Variants in FYTTD1 observed in about 807,000 individuals in gnomAD.
FYTTD1 encodes the protein UAP56-interacting factor.
FYTTD1 carries 22 observed loss-of-function variants against 40.9 expected under a neutral mutation model. The ratio of observed to expected loss-of-function variants is 0.54; its 90% CI spans 0.38 to 0.77. FYTTD1 has a LOEUF of 0.77. Among genes scored for constraint, FYTTD1 ranks in the 30% least tolerant of loss-of-function variants. The pLI is 0.00. For synonymous variants in FYTTD1, 140 were observed against 137.9 expected, an observed-to-expected ratio of 1.01 and a Z score of -0.10; for missense variants, 351 against 392.2, an observed-to-expected ratio of 0.90 and a Z score of 0.89.
Position 197,782,348 on chromosome 3 carries a change from G to C in FYTTD1, c.*439G>C, listed in dbSNP as rs1265944191. 1 of 152,434 alleles carries C rather than the reference G, an allele frequency of 6.6e-6. No homozygotes were observed. Among genetic ancestry groups the C allele is most frequent in the African/African-American group, 2.4e-5 (1 of 41,436 alleles). 9.4% of individuals were successfully genotyped at this position (152,434 alleles called of 1,614,324 possible). A position where few individuals can be genotyped will look rare whatever the true frequency, so the allele number is the denominator to read the frequency against. Reference sequence around the variant, plus strand: ...CTTGCCCTTTAATAGTGTTGATGTAGTCAGTGCCGTTGCCTTTTCTTCATT... The same window carrying C: ...CTTGCCCTTTAATAGTGTTGATGTACTCAGTGCCGTTGCCTTTTCTTCATT... On this transcript the variant is annotated 3_prime_UTR_variant, in exon 9 of 9. Transcript: ENST00000241502.
rs1580477396 is a variant in FYTTD1 at position 197,787,016 on chromosome 3, C to T, written c.*5107C>T. On this transcript the variant is annotated 3_prime_UTR_variant, in exon 9 of 9. Coordinates refer to ENST00000241502, the MANE Select transcript of FYTTD1 (RefSeq NM_032288.7). ...TTTTCACCATGTTGGCCAGGCTGGT[C>T]TCGAACTCCTACCCTCAGGAGATCT... The T allele has an allele frequency of 6.6e-6, 1 of 151,990 alleles. No homozygotes were observed. Among genetic ancestry groups the T allele is most frequent in the East Asian group, 1.9e-4 (1 of 5,170 alleles). 9.4% of individuals were successfully genotyped at this position (151,990 alleles called of 1,614,324 possible).
At position 197,750,580 on chromosome 3, in the gene FYTTD1, C is replaced by T. The variant is rs9883096; in HGVS notation, c.103+506C>T. On this transcript the variant is annotated intron_variant, in intron 1 of 8. Coordinates refer to ENST00000241502, the MANE Select transcript of FYTTD1 (RefSeq NM_032288.7). ...CGCTTCCGGAGCTTTCCCTGGTCGC[C>T]GGGCGTTCCAGGCCGGCGCCGGCCA... The T allele has an allele frequency of 2.3e-3, 2,216 of 982,344 alleles. 21 individuals are homozygous for T. The African/African-American group carries it at 0.036, about 16-fold the overall frequency. The allele number at this position is 982,344 out of a possible 1,614,324, so 60.9% of individuals were successfully genotyped here.
chr3:197,759,777 A>G (rs528433081), intron 2 of FYTTD1, among the ~76,000 whole-genome samples: 1 of 151,344 alleles, frequency 6.6e-6, no homozygotes, highest in East Asian at 2.0e-4. Flanking sequence ...CTTCAGTGGT[A>G]GAATGTATAG....
intron 4 of FYTTD1, among the ~76,000 whole-genome samples, chr3:197,771,542 C>T (rs908302888): frequency 1.1e-4 from 16 of 151,826 alleles, no homozygotes; most frequent in Admixed American, 6.6e-5. Flanking sequence ...TTTGGGAGGC[C>T]GAGGCGGGCG....
rs1730092836 is a variant in FYTTD1, at chr3:197,783,872, A to G, written c.*1963A>G. 1 of 152,642 alleles carries G rather than the reference A, an allele frequency of 6.6e-6. No homozygotes were observed. Among genetic ancestry groups the G allele is most frequent in the African/African-American group, 2.4e-5 (1 of 41,452 alleles). 9.5% of individuals were successfully genotyped at this position (152,642 alleles called of 1,614,324 possible). A position where few individuals can be genotyped will look rare whatever the true frequency, so the allele number is the denominator to read the frequency against. Reference sequence around the variant, plus strand: ...TTTAAAAATTGCCCCAAATACTGACATTGAGTGCATTAAATAACAAATTAT... The same window carrying G: ...TTTAAAAATTGCCCCAAATACTGACGTTGAGTGCATTAAATAACAAATTAT... On this transcript the variant is annotated 3_prime_UTR_variant, in exon 9 of 9. Transcript: ENST00000241502.
intron 8 of FYTTD1, among the ~76,000 whole-genome samples, chr3:197,779,636 T>A (rs1266329362): frequency 6.8e-6 from 1 of 146,320 alleles, no homozygotes; most frequent in Non-Finnish European, 1.5e-5. Context: ...ACTCAAACGA[T>A]CCTTCCTCCC....
intron 1 of FYTTD1, 108 bp downstream of exon 1, chr3:197,750,182 T>G: frequency 1.0e-6 from 1 of 961,842 alleles, no homozygotes; most frequent in Non-Finnish European, 1.5e-6. Flanking sequence ...CCGGCGGAGT[T>G]TTCTCGCTGG....
Position 197,778,335 on chromosome 3 carries a change from T to C in FYTTD1, c.732-3T>C. On this transcript the variant is annotated splice_polypyrimidine_tract_variant and splice_region_variant and intron_variant, in intron 7 of 8. Coordinates refer to ENST00000241502, the MANE Select transcript of FYTTD1 (RefSeq NM_032288.7). ...CTCTGATATTTTAATATTTTTCTAATAGAACTCAGAAACCACGATTAACTC... is the reference window on the plus strand; with the variant it reads ...CTCTGATATTTTAATATTTTTCTAACAGAACTCAGAAACCACGATTAACTC... 1.3e-6 allele frequency: 2 copies of C among 1,587,096 alleles called. No homozygotes were observed. The highest frequency in any genetic ancestry group is 1.7e-6 in the Non-Finnish European group (2 of 1,169,510).
Position 197,778,465 on chromosome 3 carries a change from G to A in FYTTD1, c.858+1G>A. The stretch of plus-strand genomic sequence containing the variant: ...TGACATAAACAGTGTCGGAAAACAG[G>A]TAAAAAAACGTTTTCTGTATTTTCT... On this transcript the variant is annotated splice_donor_variant, in intron 8 of 8. Transcript: ENST00000241502. LOFTEE classifies it high-confidence loss of function. 6.3e-7 allele frequency: 1 copy of A among 1,589,154 alleles called. No individual in the cohort carries two copies. The highest frequency in any genetic ancestry group is 1.4e-5 in the African/African-American group (1 of 74,070).
intron 6 of FYTTD1, among the ~76,000 whole-genome samples, chr3:197,776,380 A>AT (rs199559563): frequency 0.016 from 1,865 of 117,416 alleles, 78 homozygotes; most frequent in Non-Finnish European, 0.018. Context: ...CCCAGCTTAA[A>AT]TTTGTTTTTT....
At chr3:197,773,523 T>TTTG (rs1553909683) in intron 5 of FYTTD1, 24 bp downstream of exon 5, 8 of 1,012,714 alleles carry the variant, frequency 7.9e-6, no homozygotes, top group Non-Finnish European at 1.2e-5. Flanking sequence ...TTGGCAGTGT[T>TTTG]TTTGTTTGTT....
chr3:197,767,685 C>T (rs1388628469), intron 2 of FYTTD1, among the ~76,000 whole-genome samples: 1 of 152,068 alleles, frequency 6.6e-6, no homozygotes, highest in Non-Finnish European at 1.5e-5. Context: ...AACTCCTGAG[C>T]TCAAGGGATC....
At chr3:197,754,440 G>A (rs188261263) in intron 1 of FYTTD1, among the ~76,000 whole-genome samples, 6 of 152,216 alleles carry the variant, frequency 3.9e-5, no homozygotes, top group Admixed American at 3.3e-4. Flanking sequence ...GATTGGTTAG[G>A]TAGAACAGTA....
intron 1 of FYTTD1, among the ~76,000 whole-genome samples, chr3:197,751,805 G>A (rs1279260106): frequency 6.6e-6 from 1 of 152,098 alleles, no homozygotes; most frequent in Non-Finnish European, 1.5e-5. Context: ...TCTAGCGATG[G>A]AGAGCACGGA....
At chr3:197,750,895 G>T in intron 1 of FYTTD1, 1 of 970,858 alleles carries the variant, frequency 1.0e-6, no homozygotes, top group Non-Finnish European at 1.2e-6. Flanking sequence ...AAACCGGGAG[G>T]TTGGTGATTC....
chr3:197,781,962 GA>G lies in FYTTD1; in HGVS notation c.*55del. 9.4e-7 allele frequency: 1 copy of G among 1,058,820 alleles called. No individual in the cohort carries two copies. The highest frequency in any genetic ancestry group is 1.4e-6 in the Non-Finnish European group (1 of 729,508). The allele number at this position is 1,058,820 out of a possible 1,614,324, so 65.6% of individuals were successfully genotyped here. A position where few individuals can be genotyped will look rare whatever the true frequency, so the allele number is the denominator to read the frequency against. On this transcript the variant is annotated 3_prime_UTR_variant, in exon 9 of 9. Coordinates refer to ENST00000241502, the MANE Select transcript of FYTTD1 (RefSeq NM_032288.7). ...ATGACTCTGAGAAGTTGAATTGCTT[GA>G]AGAGTTCATCACGGAAATTCAAGAA...
chr3:197,774,089 G>A (rs1263942132), intron 5 of FYTTD1, 60 bp from the exon 6 acceptor site: 8 of 1,406,114 alleles, frequency 5.7e-6, no homozygotes, highest in East Asian at 4.6e-5. Flanking sequence ...GAGCAGGATC[G>A]CTCTTTGGAT....
chr3:197,765,492 A>G (rs1231870569), intron 2 of FYTTD1, among the ~76,000 whole-genome samples: 1 of 152,158 alleles, frequency 6.6e-6, no homozygotes, highest in Non-Finnish European at 1.5e-5. Context: ...AGTTTTTCCC[A>G]ATATGGTTTA....
At chr3:197,773,382 G>A (rs752988435) in intron 4 of FYTTD1, 21 bp from the exon 5 acceptor site, 6 of 1,421,430 alleles carry the variant, frequency 4.2e-6, no homozygotes, top group African/African-American at 4.2e-5. Context: ...GCTTAGCATG[G>A]CCTATGTGTT....
Sources: allele counts gnomAD v4.1 joint callset (sites outside exome capture counted in the v4.1 genomes callset), GRCh38; gene constraint gnomAD v4.1.1; transcripts MANE v1.5; gene names NCBI Gene and HGNC (gene_info 2026-07-23, HGNC 2026-07-21).